The following TNIP1 variants were observed in gnomAD, a reference collection of about 807,000 sequenced individuals.
TNIP1 encodes TNFAIP3-interacting protein 1.
TNIP1 carries 22 observed loss-of-function variants against 86.6 expected under a neutral mutation model. The observed-to-expected ratio is 0.25, with a 90% CI of 0.18 to 0.36. The LOEUF is 0.36. Among genes scored for constraint, TNIP1 ranks in the 10% least tolerant of loss-of-function variants. TNIP1 has a pLI of 1.00. For synonymous variants in TNIP1, 294 were observed against 313.0 expected (o/e 0.94, Z 0.64); for missense variants, 709 against 820.6 (o/e 0.86, Z 1.66).
chr5:151,037,651 G>T (rs1215958070), intron 12 of TNIP1, among the ~76,000 whole-genome samples: 1 of 152,144 alleles, frequency 6.6e-6, no homozygotes, highest in African/African-American at 2.4e-5. Flanking sequence ...TCAGTTAACC[G>T]TGTTTCCCCT....
At position 151,033,635 on chromosome 5, in the gene TNIP1, T is replaced by TG; in HGVS notation, c.1751dup (p.Leu585ThrfsTer47). 1.5e-6 allele frequency: 1 copy of TG among 650,392 alleles called. No homozygotes were observed. Among genetic ancestry groups the TG allele is most frequent in the Non-Finnish European group, 1.9e-6 (1 of 513,244 alleles). The allele number at this position is 650,392 out of a possible 1,614,324, so 40.3% of individuals were successfully genotyped here. A position where few individuals can be genotyped will look rare whatever the true frequency, so the allele number is the denominator to read the frequency against. The stretch of plus-strand genomic sequence containing the variant: ...GATGGAAGAGGCGCGAGTTGGGGAG[T>TG]GGGGGCGGGTGCTCCATGGCCATGG... On this transcript the variant is annotated frameshift_variant, in exon 16 of 18. Coordinates refer to ENST00000521591, the MANE Select transcript of TNIP1 (RefSeq NM_006058.5). LOFTEE classifies it high-confidence loss of function.
intron 8 of TNIP1, among the ~76,000 whole-genome samples, chr5:151,047,794 T>C (rs1759373011): frequency 6.6e-6 from 1 of 152,100 alleles, no homozygotes; most frequent in South Asian, 2.1e-4. Flanking sequence ...CAAGCCCCTC[T>C]GTGATGGACA....
chr5:151,050,652 G>C (rs768901100), intron 7 of TNIP1, among the ~76,000 whole-genome samples: 1 of 151,610 alleles, frequency 6.6e-6, no homozygotes, highest in Admixed American at 6.6e-5. Flanking sequence ...TCTTTTTTTT[G>C]AGATAGGGTC....
At chr5:151,039,364 C>T (rs893517109) in intron 11 of TNIP1, 139 bp from the exon 12 acceptor site, 3 of 897,064 alleles carry the variant, frequency 3.3e-6, no homozygotes, top group East Asian at 2.8e-5. Flanking sequence ...CACCTGGGGT[C>T]GGTACAGTAA....
At chr5:151,068,659 G>A (rs1470666441) in intron 1 of TNIP1, among the ~76,000 whole-genome samples, 1 of 152,188 alleles carries the variant, frequency 6.6e-6, no homozygotes, top group African/African-American at 2.4e-5. Context: ...GCAAGGCAAG[G>A]CCCTGAGCAG....
At chr5:151,072,115 C>G (rs1762883147) in intron 1 of TNIP1, among the ~76,000 whole-genome samples, 1 of 152,216 alleles carries the variant, frequency 6.6e-6, no homozygotes, top group Non-Finnish European at 1.5e-5. Flanking sequence ...GAATACACAG[C>G]TGGTTAGTGG....
At chr5:151,075,843 CT>C (rs2113816597) in intron 1 of TNIP1, among the ~76,000 whole-genome samples, 1 of 152,334 alleles carries the variant, frequency 6.6e-6, no homozygotes, top group African/African-American at 2.4e-5. Flanking sequence ...AGGCCCTTGA[CT>C]CATAGGGCAG....
intron 11 of TNIP1, among the ~76,000 whole-genome samples, chr5:151,039,701 ACAG>A (rs1758175239): frequency 6.6e-6 from 1 of 152,234 alleles, no homozygotes; most frequent in Admixed American, 6.5e-5. Context: ...TCCGTGATCC[ACAG>A]AAAGCGATAA....
chr5:151,062,958 G>A (rs958767293), intron 3 of TNIP1, among the ~76,000 whole-genome samples: 5 of 152,356 alleles, frequency 3.3e-5, no homozygotes, highest in East Asian at 1.9e-4. Context: ...CAGCTGAGGT[G>A]CGGATCATTT....
At chr5:151,059,101 A>G (rs1761056364) in intron 5 of TNIP1, among the ~76,000 whole-genome samples, 1 of 152,194 alleles carries the variant, frequency 6.6e-6, no homozygotes, top group Non-Finnish European at 1.5e-5. Flanking sequence ...ACTTCTCCAG[A>G]CTACAAGCTT....
At chr5:151,037,243 C>T (rs1050466439) in intron 12 of TNIP1, 2 of 190,040 alleles carry the variant, frequency 1.1e-5, no homozygotes, top group African/African-American at 4.8e-5. Flanking sequence ...CAGATTCAAG[C>T]CCAGCACATG....
chr5:151,033,468 C>T, intron 16 of TNIP1, 140 bp downstream of exon 16: 1 of 560,058 alleles, frequency 1.8e-6, no homozygotes, highest in East Asian at 3.3e-5. Flanking sequence ...GAGCCAGGCC[C>T]TGGACACCCA....
chr5:151,051,819 T>C (rs772188236), intron 7 of TNIP1, among the ~76,000 whole-genome samples: 2 of 152,112 alleles, frequency 1.3e-5, no homozygotes, highest in Non-Finnish European at 2.9e-5. Context: ...CAGAGCAGGT[T>C]GGGATGGTGA....
Position 151,052,151 on chromosome 5 carries a change from G to A in TNIP1, c.722+14C>T, listed in dbSNP as rs139891468. 7.4e-4 allele frequency: 1,193 copies of A among 1,612,768 alleles called. 16 individuals are homozygous for A. The African/African-American group carries it at 0.014, about 19-fold the overall frequency. On this transcript the variant is annotated intron_variant, in intron 7 of 17. Coordinates refer to ENST00000521591, the MANE Select transcript of TNIP1 (RefSeq NM_006058.5). ...CCCCACTCCTCACCCCTTCTCTGAG[G>A]GGCCTGAACTTACCGCAGCCTCTCG...
chr5:151,085,942 T>C (rs148544246), upstream of TNIP1, among the ~76,000 whole-genome samples: 399 of 152,240 alleles, frequency 2.6e-3, no homozygotes, highest in Non-Finnish European at 4.9e-3. Context: ...ACCCTCTTCT[T>C]CTATGGCCCC....
At chr5:151,079,772 T>C (rs1023312951) in intron 1 of TNIP1, among the ~76,000 whole-genome samples, 1 of 152,202 alleles carries the variant, frequency 6.6e-6, no homozygotes. Context: ...GTACTAATAT[T>C]CTACCCTCCT....
At chr5:151,056,521 G>C (rs145948369) in intron 6 of TNIP1, among the ~76,000 whole-genome samples, 2 of 152,268 alleles carry the variant, frequency 1.3e-5, no homozygotes, top group African/African-American at 2.4e-5. Flanking sequence ...GGGCTGCTGG[G>C]GGTATCCCCA....
intron 8 of TNIP1, 85 bp from the exon 9 acceptor site, chr5:151,046,035 C>T: frequency 1.6e-6 from 2 of 1,276,052 alleles, no homozygotes; most frequent in South Asian, 2.4e-5. Flanking sequence ...AGACCCCTCA[C>T]CCAAGTGGCC....
At chr5:151,032,096 C>T in intron 17 of TNIP1, 191 bp downstream of exon 17, 1 of 593,778 alleles carries the variant, frequency 1.7e-6, no homozygotes, top group East Asian at 2.8e-5. Flanking sequence ...AGATAATGCA[C>T]TAGAATGAAT....
Sources: allele counts gnomAD v4.1 joint callset (sites outside exome capture counted in the v4.1 genomes callset), GRCh38; gene constraint gnomAD v4.1.1; transcripts MANE v1.5; gene names NCBI Gene and HGNC (gene_info 2026-07-23, HGNC 2026-07-21).